Variants in DAZL observed in about 807,000 individuals in gnomAD.
DAZL encodes the protein deleted in azoospermia like, also known as deleted in azoospermia-like.
In DAZL, 4 loss-of-function variants were observed where a neutral mutation model predicts 45.0. That is an observed-to-expected ratio of 0.09 (90% CI 0.04 to 0.20). DAZL has a LOEUF of 0.20. Ranked by LOEUF, DAZL falls within the 10% of genes least tolerant of loss-of-function variation. The pLI, the probability that DAZL is intolerant of heterozygous loss-of-function variation, is 1.00. For synonymous variants in DAZL, 122 were observed against 112.4 expected, an observed-to-expected ratio of 1.09 and a Z score of -0.54; for missense variants, 326 against 351.3, an observed-to-expected ratio of 0.93 and a Z score of 0.58.
intron 10 of DAZL, among the ~76,000 whole-genome samples, chr3:16,590,778 T>C (rs1351354214): frequency 6.6e-6 from 1 of 152,094 alleles, no homozygotes; most frequent in Non-Finnish European, 1.5e-5. Flanking sequence ...ACATTATGTA[T>C]GATTCCATAT....
At chr3:16,604,876 A>T (rs1201829549) in intron 1 of DAZL, 2 of 724,452 alleles carry the variant, frequency 2.8e-6, no homozygotes, top group Non-Finnish European at 4.4e-6. Context: ...CCCGCACCCC[A>T]AACCTCTGCC....
rs148933293 is a variant in DAZL, at chr3:16,590,335, C to G, written c.835-1622G>C. 2.1e-3 allele frequency among the ~76,000 whole-genome samples: 314 copies of G among 152,206 alleles called. 1 individual carries two copies. The highest frequency in any genetic ancestry group is 7.3e-3 in the African/African-American group (304 of 41,516). ...TACTCTTCTACATTATACAGGAGAT[C>G]CATAATAATAACCCCTTAAAAAGGC... On this transcript the variant is annotated intron_variant, in intron 10 of 10. Transcript: ENST00000399444.
intron 10 of DAZL, among the ~76,000 whole-genome samples, 161 bp from the exon 11 acceptor site, chr3:16,588,874 G>A (rs1694477205): frequency 6.6e-6 from 1 of 151,808 alleles, no homozygotes; most frequent in African/African-American, 2.4e-5. Context: ...TGAACACTGG[G>A]ATAACATATA....
chr3:16,598,380 A>T, intron 2 of DAZL, 72 bp downstream of exon 2: 3 of 1,582,806 alleles, frequency 1.9e-6, no homozygotes, highest in Non-Finnish European at 2.6e-6. Flanking sequence ...AAAAACCTTA[A>T]GTTTGTAACA....
intron 4 of DAZL, 23 bp from the exon 5 acceptor site, chr3:16,597,074 A>G: frequency 1.2e-6 from 2 of 1,603,872 alleles, no homozygotes; most frequent in Non-Finnish European, 1.7e-6. Context: ...CAGTAACAAA[A>G]CTAGAATCAA....
intron 1 of DAZL, among the ~76,000 whole-genome samples, chr3:16,603,004 T>C (rs1409229122): frequency 1.3e-5 from 2 of 152,228 alleles, no homozygotes; most frequent in Non-Finnish European, 2.9e-5. Flanking sequence ...ACTTCATTGA[T>C]GATTTTTAAA....
Position 16,597,338 on chromosome 3 carries a change from G to A in DAZL, c.294+152C>T. The A allele has an allele frequency of 8.3e-6, 6 of 721,402 alleles. No homozygotes were observed. In the South Asian group the frequency reaches 1.0e-4, roughly 13 times the overall value. 44.7% of individuals were successfully genotyped at this position (721,402 alleles called of 1,614,324 possible). A position where few individuals can be genotyped will look rare whatever the true frequency, so the allele number is the denominator to read the frequency against. On this transcript the variant is annotated intron_variant, in intron 4 of 10. Transcript: ENST00000399444. ...TAGGTGCCCAGTCAAAAATAAACAG[G>A]TTCTAACAAGTTATGTAAGATTCCT...
chr3:16,598,540 G>T lies in DAZL; in HGVS notation c.62C>A (p.Ser21Tyr). The T allele has an allele frequency of 6.2e-7, 1 of 1,604,934 alleles. No individual in the cohort carries two copies. ...GCCTTGGCTGGTTGCAGCTGATGAG[G>T]ACTGGGTGCTGGCCTCTCTGGAGAT... ...STISREASTQ[S>Y]SSAATSQGYI... The change falls in exon 2 of 11, where the codon TCC becomes TAC. Residue 21 changes from serine to tyrosine, a missense_variant. This residue lies in a region of DAZL where 81 missense variants were observed against 89.6 expected (regional missense o/e 0.90). Coordinates refer to ENST00000399444, the MANE Select transcript of DAZL (RefSeq NM_001351.4).
At position 16,588,406 on chromosome 3, in the gene DAZL, C is replaced by A; in HGVS notation, c.*254G>T. ...TTAAAATGCCAATTTTTAAAAAATCCTTGCAGATAAATCTTAGTTTCTTTC... is the reference window on the plus strand; with the variant it reads ...TTAAAATGCCAATTTTTAAAAAATCATTGCAGATAAATCTTAGTTTCTTTC... On this transcript the variant is annotated 3_prime_UTR_variant, in exon 11 of 11. Transcript: ENST00000399444. 2 of 327,864 alleles carry A rather than the reference C, an allele frequency of 6.1e-6. No individual in the cohort carries two copies. Among genetic ancestry groups the A allele is most frequent in the Non-Finnish European group, 1.2e-5 (2 of 173,040 alleles). 20.3% of individuals were successfully genotyped at this position (327,864 alleles called of 1,614,324 possible). A position where few individuals can be genotyped will look rare whatever the true frequency, so the allele number is the denominator to read the frequency against.
chr3:16,599,962 T>C (rs191609186), intron 1 of DAZL, among the ~76,000 whole-genome samples: 12 of 152,342 alleles, frequency 7.9e-5, no homozygotes, highest in South Asian at 2.1e-4. Context: ...GGTATATCAA[T>C]ATAAGTTAGT....
At chr3:16,604,355 A>T in intron 1 of DAZL, 2 of 1,243,478 alleles carry the variant, frequency 1.6e-6, no homozygotes, top group Non-Finnish European at 2.2e-6. Flanking sequence ...CATTTTGTCA[A>T]AGGATCCTGG....
At chr3:16,603,076 A>G (rs1224196856) in intron 1 of DAZL, among the ~76,000 whole-genome samples, 2 of 152,242 alleles carry the variant, frequency 1.3e-5, no homozygotes, top group African/African-American at 4.8e-5. Flanking sequence ...AAAAATCCTA[A>G]TACCTTTCAT....
intron 3 of DAZL, 34 bp from the exon 4 acceptor site, chr3:16,597,575 C>T (rs762922974): frequency 1.4e-5 from 18 of 1,309,874 alleles, no homozygotes; most frequent in Non-Finnish European, 1.9e-5. Context: ...ATAAAATCAC[C>T]ATCATACAGT....
chr3:16,601,111 A>G lies in DAZL; in HGVS notation c.4-2513T>C, dbSNP rs1296444683. The stretch of plus-strand genomic sequence containing the variant: ...TGAGGAGGAAAATTATTGTTTGGGA[A>G]GAACCTGATTTCCATTGTTCAGTAA... On this transcript the variant is annotated intron_variant, in intron 1 of 10. Transcript: ENST00000399444. Among the ~76,000 whole-genome samples the G allele has an allele frequency of 2.0e-5, 3 of 152,242 alleles. 1 individual carries two copies. The East Asian group carries it at 5.8e-4, about 29-fold the overall frequency.
rs773266331 is a variant in DAZL, at chr3:16,596,889, C to A, written c.359G>T (p.Cys120Phe). 6.2e-7 allele frequency: 1 copy of A among 1,613,740 alleles called. No individual in the cohort carries two copies. Among genetic ancestry groups the A allele is most frequent in the Non-Finnish European group, 8.5e-7 (1 of 1,179,746 alleles). The change falls in exon 6 of 11, where the codon TGT becomes TTT. Residue 120 changes from cysteine to phenylalanine, a missense_variant and splice_region_variant. Transcript: ENST00000399444. ...LGPAIRKQNL[C>F]AYHVQPRPLV... Reference sequence around the variant, plus strand: ...AGGACGTGGCTGCACATGATAAGCACCTTTTTGAAAAGCAAAAAGAAAAGG... The same window carrying A: ...AGGACGTGGCTGCACATGATAAGCAACTTTTTGAAAAGCAAAAAGAAAAGG...
In DAZL at chr3:16,593,842, G is replaced by A. The variant is rs866417870; in HGVS notation, c.622-74C>T. On this transcript the variant is annotated intron_variant, in intron 8 of 10. Coordinates refer to ENST00000399444, the MANE Select transcript of DAZL (RefSeq NM_001351.4). ...TTAAAAGCCACTTATTCTTCAAAAA[G>A]CTAAGCTGGTATCAAAAGTTTCAAT... 2.2e-5 allele frequency: 20 copies of A among 918,698 alleles called. No homozygotes were observed. The Middle Eastern group carries it at 7.4e-4, about 34-fold the overall frequency. The allele number at this position is 918,698 out of a possible 1,614,324, so 56.9% of individuals were successfully genotyped here.
In DAZL at chr3:16,605,207, A is replaced by T; in HGVS notation, c.-2T>A. 9 of 1,614,174 alleles carry T rather than the reference A, an allele frequency of 5.6e-6. No individual in the cohort carries two copies. Among genetic ancestry groups the T allele is most frequent in the Non-Finnish European group, 7.6e-6 (9 of 1,179,988 alleles). On this transcript the variant is annotated 5_prime_UTR_variant, in exon 1 of 11. Coordinates refer to ENST00000399444, the MANE Select transcript of DAZL (RefSeq NM_001351.4). ...CGGGCCTCTCCCTCAACTCACCATG[A>T]TGGCGGCAGGCAGCAGTTCCCGACC...
chr3:16,596,662 AC>A, intron 6 of DAZL, 87 bp downstream of exon 6: 1 of 1,407,090 alleles, frequency 7.1e-7, no homozygotes, highest in Non-Finnish European at 1.0e-6. Context: ...GGATGCCATT[AC>A]CACTTACTAC....
chr3:16,595,922 T>G (rs1440328334), intron 6 of DAZL, among the ~76,000 whole-genome samples: 1 of 151,976 alleles, frequency 6.6e-6, no homozygotes, highest in South Asian at 2.1e-4. Flanking sequence ...TAGCTACTGA[T>G]TGAAAACATA....
Sources: allele counts gnomAD v4.1 joint callset (sites outside exome capture counted in the v4.1 genomes callset), GRCh38; gene constraint gnomAD v4.1.1; regional missense constraint gnomAD v4.1.1; transcripts MANE v1.5; gene names NCBI Gene and HGNC (gene_info 2026-07-23, HGNC 2026-07-21).